COL21A1: variants seen among roughly 807,000 people sequenced by gnomAD.
COL21A1 encodes collagen alpha-1(XXI) chain.
In COL21A1, 149 loss-of-function variants were observed where a neutral mutation model predicts 137.9. That is an observed-to-expected ratio of 1.08 (90% CI 0.95 to 1.24). The LOEUF is 1.24. COL21A1 is among the 50% of genes most tolerant of loss of function. The pLI, the probability that COL21A1 is intolerant of heterozygous loss-of-function variation, is 0.00. For missense variants in COL21A1, 1,167 were observed against 1,158.4 expected, an observed-to-expected ratio of 1.01 and a Z score of -0.11; for synonymous variants, 456 against 391.5, an observed-to-expected ratio of 1.16 and a Z score of -1.95.
At chr6:56,206,973 G>C (rs1779836984) in intron 1 of COL21A1, among the ~76,000 whole-genome samples, 1 of 151,878 alleles carries the variant, frequency 6.6e-6, no homozygotes, top group Non-Finnish European at 1.5e-5. Context: ...CAGAAATAAA[G>C]ATGTTCTTTG....
At chr6:56,375,445 T>C (rs1318193480) in intron 1 of COL21A1, among the ~76,000 whole-genome samples, 1 of 152,162 alleles carries the variant, frequency 6.6e-6, no homozygotes, top group African/African-American at 2.4e-5. Flanking sequence ...CCCTGCCTCC[T>C]TCCTGGCCAG....
chr6:56,271,531 T>C (rs904117775), intron 1 of COL21A1, among the ~76,000 whole-genome samples: 1 of 152,240 alleles, frequency 6.6e-6, no homozygotes, highest in South Asian at 2.1e-4. Flanking sequence ...GACTATGTGG[T>C]AGAAAATAAA....
At chr6:56,108,827 T>C (rs147208492) in intron 16 of COL21A1, among the ~76,000 whole-genome samples, 2,047 of 151,900 alleles carry the variant, frequency 0.013, 18 homozygotes, top group Admixed American at 0.021. Flanking sequence ...AAATTAAACA[T>C]ACAATAAGTC....
intron 10 of COL21A1, 55 bp downstream of exon 10, chr6:56,156,832 A>G: frequency 7.1e-7 from 1 of 1,412,360 alleles, no homozygotes; most frequent in Non-Finnish European, 9.9e-7. Context: ...CAAAACTTTT[A>G]CTTTGACACT....
intron 10 of COL21A1, among the ~76,000 whole-genome samples, chr6:56,150,827 C>A (rs957114280): frequency 6.6e-6 from 1 of 152,150 alleles, no homozygotes; most frequent in Admixed American, 6.5e-5. Context: ...GAAACTGAGG[C>A]CCATAAAAGC....
intron 1 of COL21A1, among the ~76,000 whole-genome samples, chr6:56,324,832 C>T: frequency 6.6e-6 from 1 of 151,912 alleles, no homozygotes; most frequent in South Asian, 2.1e-4. Context: ...TGACCTCCTC[C>T]TCACCATCTA....
intron 1 of COL21A1, among the ~76,000 whole-genome samples, chr6:56,188,175 T>C (rs544916451): frequency 6.6e-6 from 1 of 152,342 alleles, no homozygotes; most frequent in East Asian, 1.9e-4. Flanking sequence ...TTGGAATTCA[T>C]TCATTGTTGG....
chr6:56,223,476 C>G (rs893311667), intron 1 of COL21A1, among the ~76,000 whole-genome samples: 1 of 151,948 alleles, frequency 6.6e-6, no homozygotes, highest in Non-Finnish European at 1.5e-5. Flanking sequence ...TATTAAATTC[C>G]TCTAAAAATT....
In COL21A1 at chr6:56,128,882, T is replaced by C. The variant is rs368266878; in HGVS notation, c.1543-2733A>G. On this transcript the variant is annotated intron_variant, in intron 12 of 29. Transcript: ENST00000244728. ...GTTGGCCATGGTGGTCTCAAACTCC[T>C]GACCTCAGGTGATCTACCTGCCTCG... Among the ~76,000 whole-genome samples, 59 of 152,260 alleles carry C rather than the reference T, an allele frequency of 3.9e-4. 1 individual carries two copies. The South Asian group carries it at 0.011, about 29-fold the overall frequency.
chr6:56,205,229 A>T (rs2152301227), intron 1 of COL21A1, among the ~76,000 whole-genome samples: 1 of 152,324 alleles, frequency 6.6e-6, no homozygotes, highest in Non-Finnish European at 1.5e-5. Flanking sequence ...GGAAGCTAAG[A>T]ACCTTGAAAA....
chr6:56,324,838 A>T (rs1448764557), intron 1 of COL21A1, among the ~76,000 whole-genome samples: 1 of 152,008 alleles, frequency 6.6e-6, no homozygotes, highest in Non-Finnish European at 1.5e-5. Flanking sequence ...CCTCCTCACC[A>T]TCTATCTTAA....
intron 10 of COL21A1, among the ~76,000 whole-genome samples, chr6:56,155,339 TTTTG>T (rs992278509): frequency 2.0e-5 from 3 of 152,212 alleles, no homozygotes; most frequent in Non-Finnish European, 4.4e-5. Flanking sequence ...TTGTGGTTTT[TTTTG>T]TTTGTTTGTT....
intron 1 of COL21A1, among the ~76,000 whole-genome samples, chr6:56,326,780 C>T (rs1765103869): frequency 1.3e-5 from 2 of 152,022 alleles, no homozygotes; most frequent in South Asian, 2.1e-4. Context: ...AACAGCTCAT[C>T]TGTTCAGTTA....
intron 9 of COL21A1, among the ~76,000 whole-genome samples, chr6:56,159,838 G>A (rs1776062067): frequency 1.3e-5 from 2 of 151,986 alleles, no homozygotes; most frequent in Non-Finnish European, 2.9e-5. Context: ...ATTTGGCACG[G>A]AAAAGGGACT....
intron 17 of COL21A1, among the ~76,000 whole-genome samples, chr6:56,083,817 T>C (rs1355676331): frequency 1.3e-5 from 2 of 152,006 alleles, no homozygotes; most frequent in Admixed American, 6.6e-5. Flanking sequence ...AAGATAAATA[T>C]AGCCATGTGT....
chr6:56,074,076 G>A (rs564728338), intron 20 of COL21A1, among the ~76,000 whole-genome samples, 156 bp downstream of exon 20: 1 of 151,450 alleles, frequency 6.6e-6, no homozygotes, highest in South Asian at 2.1e-4. Flanking sequence ...CTTAGGCTGA[G>A]CCTTTCCAGA....
chr6:56,211,735 G>C (rs761827316), intron 1 of COL21A1, among the ~76,000 whole-genome samples: 8 of 151,834 alleles, frequency 5.3e-5, no homozygotes, highest in Non-Finnish European at 1.2e-4. Context: ...TATTTCACTG[G>C]GTAAGCCTCT....
intron 1 of COL21A1, among the ~76,000 whole-genome samples, chr6:56,295,122 G>A (rs1256815557): frequency 6.6e-6 from 1 of 151,988 alleles, no homozygotes; most frequent in Non-Finnish European, 1.5e-5. Context: ...TGCAAGGTCT[G>A]TGTTTGGAAT....
At chr6:56,060,655 C>T (rs1304813022) in intron 27 of COL21A1, 86 bp downstream of exon 27, 8 of 1,109,212 alleles carry the variant, frequency 7.2e-6, no homozygotes, top group African/African-American at 1.6e-5. Context: ...CTTCACCTCA[C>T]TTATATCCTC....
Sources: gnomAD v4.1 joint callset for allele counts (sites outside exome capture counted in the v4.1 genomes callset) on GRCh38, gnomAD v4.1.1 for gene constraint, MANE v1.5 for transcripts, NCBI Gene and HGNC (gene_info 2026-07-23, HGNC 2026-07-21) for gene names.